AGPAT4: variants seen among roughly 807,000 people sequenced by gnomAD.
AGPAT4 encodes the protein 1-acyl-sn-glycerol-3-phosphate acyltransferase delta.
Under a neutral mutation model 48.0 loss-of-function variants are expected in AGPAT4, and 15 were observed. That is an observed-to-expected ratio of 0.31 (90% CI 0.21 to 0.48). The LOEUF (loss-of-function observed/expected upper bound fraction) is 0.48, where lower values mean the gene tolerates loss of function less well. Ranked by LOEUF, AGPAT4 falls within the 20% of genes least tolerant of loss-of-function variation. AGPAT4 has a pLI of 0.99. For synonymous variants in AGPAT4, 178 were observed against 198.7 expected (o/e 0.90, Z 0.88); for missense variants, 314 against 482.5 (o/e 0.65, Z 3.27).
chr6:161,182,546 C>T (rs2114993851), intron 2 of AGPAT4, among the ~76,000 whole-genome samples: 1 of 152,324 alleles, frequency 6.6e-6, no homozygotes. Context: ...ATCCCCTCAC[C>T]CCAGCCCCTT....
rs1001890105 is a variant in AGPAT4 at position 161,200,669 on chromosome 6, T to C, written c.178+31367A>G. 1.3e-5 allele frequency among the ~76,000 whole-genome samples: 2 copies of C among 152,220 alleles called. No individual in the cohort carries two copies. Among genetic ancestry groups the C allele is most frequent in the Admixed American group, 6.5e-5 (1 of 15,282 alleles). On this transcript the variant is annotated intron_variant, in intron 2 of 8. Coordinates refer to ENST00000320285, the MANE Select transcript of AGPAT4 (RefSeq NM_020133.3). This position sits in a 1 kb window ranked among gnomAD's most constrained non-coding sequence, Gnocchi z 5.5. ...TTTACTATGTTGACTAGGGACACCA[T>C]AGGTCCCTCCTCTGCTCTTTGTAAA...
rs1326186705 is a variant in AGPAT4, at chr6:161,138,395, G to A, written c.1042+1027C>T. On this transcript the variant is annotated intron_variant, in intron 8 of 8. Transcript: ENST00000320285. This position sits in a 1 kb window ranked among gnomAD's most constrained non-coding sequence, Gnocchi z 4.8. ...AATGAATGAGCTAGGTTTATGTGCTGTGACCTGTTTTGGTGGTTATGATTC... is the reference window on the plus strand; with the variant it reads ...AATGAATGAGCTAGGTTTATGTGCTATGACCTGTTTTGGTGGTTATGATTC... 6.6e-6 allele frequency among the ~76,000 whole-genome samples: 1 copy of A among 152,178 alleles called. No homozygotes were observed. Among genetic ancestry groups the A allele is most frequent in the Admixed American group, 6.5e-5 (1 of 15,282 alleles).
At chr6:161,248,663 A>C (rs563903154) in intron 1 of AGPAT4, among the ~76,000 whole-genome samples, 3 of 152,244 alleles carry the variant, frequency 2.0e-5, no homozygotes, top group Admixed American at 6.5e-5. Context: ...TGCTCAAAGA[A>C]ATCAGAGATG....
rs2059153696 is a variant in AGPAT4 at position 161,177,556 on chromosome 6, T to C, written c.179-11139A>G. On this transcript the variant is annotated intron_variant, in intron 2 of 8. Transcript: ENST00000320285. The surrounding 1 kb of genome is among the most constrained non-coding windows in gnomAD (Gnocchi z 5.0). ...TTAGCCATTCATCTAATCTTTTTTT[T>C]CAAGGTTTTTAGCTTCTTTGCGATT... is the stretch of plus-strand genomic sequence containing the variant. 6.6e-6 allele frequency among the ~76,000 whole-genome samples: 1 copy of C among 152,170 alleles called. No individual in the cohort carries two copies. The highest frequency in any genetic ancestry group is 2.4e-5 in the African/African-American group (1 of 41,450).
In AGPAT4 at chr6:161,267,440, G is replaced by T. The variant is rs769575674; in HGVS notation, c.-90+6498C>A. On this transcript the variant is annotated intron_variant, in intron 1 of 8. Coordinates refer to ENST00000320285, the MANE Select transcript of AGPAT4 (RefSeq NM_020133.3). This position sits in a 1 kb window ranked among gnomAD's most constrained non-coding sequence, Gnocchi z 5.2. Reference sequence around the variant, plus strand: ...GAAAAATATTAGCTGGGGAACGGGCGCAGTGGCTCACATCTGTAATCCTAG... The same window carrying T: ...GAAAAATATTAGCTGGGGAACGGGCTCAGTGGCTCACATCTGTAATCCTAG... 2.0e-5 allele frequency among the ~76,000 whole-genome samples: 3 copies of T among 152,140 alleles called. No individual in the cohort carries two copies. Among genetic ancestry groups the T allele is most frequent in the South Asian group, 2.1e-4 (1 of 4,826 alleles).
chr6:161,268,021 A>T (rs1424929271), intron 1 of AGPAT4, among the ~76,000 whole-genome samples: 1 of 152,246 alleles, frequency 6.6e-6, no homozygotes, highest in Non-Finnish European at 1.5e-5. Flanking sequence ...AGCAGAGCCC[A>T]GATGATCTGG....
chr6:161,263,031 C>T (rs1028664772), intron 1 of AGPAT4, among the ~76,000 whole-genome samples: 1 of 152,040 alleles, frequency 6.6e-6, no homozygotes, highest in African/African-American at 2.4e-5. Context: ...CCCAAGCCAC[C>T]CTCCATCCAC....
rs530591153 is a variant in AGPAT4 at position 161,261,629 on chromosome 6, A to G, written c.-90+12309T>C. 4.6e-5 allele frequency among the ~76,000 whole-genome samples: 7 copies of G among 152,352 alleles called. No individual in the cohort carries two copies. Among genetic ancestry groups the G allele is most frequent in the African/African-American group, 1.4e-4 (6 of 41,588 alleles). On this transcript the variant is annotated intron_variant, in intron 1 of 8. Transcript: ENST00000320285. The surrounding 1 kb of genome is among the most constrained non-coding windows in gnomAD (Gnocchi z 5.3). ...CCAACGGAGGGATATTTTACCTTCC[A>G]CAAATCCAGCTAATCATGTAGTGTT...
rs905715552 is a variant in AGPAT4 at position 161,270,307 on chromosome 6, G to A, written c.-90+3631C>T. Reference sequence around the variant, plus strand: ...CTTCCCAAGCCCATGCATGAAGCCAGGTTTCAGAGTTCCAGCGCTTCCTTT... The same window carrying A: ...CTTCCCAAGCCCATGCATGAAGCCAAGTTTCAGAGTTCCAGCGCTTCCTTT... On this transcript the variant is annotated intron_variant, in intron 1 of 8. Coordinates refer to ENST00000320285, the MANE Select transcript of AGPAT4 (RefSeq NM_020133.3). The surrounding 1 kb of genome is among the most constrained non-coding windows in gnomAD (Gnocchi z 5.3). 2.0e-5 allele frequency among the ~76,000 whole-genome samples: 3 copies of A among 152,192 alleles called. No homozygotes were observed. Among genetic ancestry groups the A allele is most frequent in the Non-Finnish European group, 4.4e-5 (3 of 68,042 alleles).
rs1780277332 is a variant in AGPAT4, at chr6:161,171,927, C to CA, written c.179-5511dup. On this transcript the variant is annotated intron_variant, in intron 2 of 8. Coordinates refer to ENST00000320285, the MANE Select transcript of AGPAT4 (RefSeq NM_020133.3). The surrounding 1 kb of genome is among the most constrained non-coding windows in gnomAD (Gnocchi z 4.4). The stretch of plus-strand genomic sequence containing the variant: ...AAACAAAAAACAAAAAACAAAAAAC[C>CA]AAAAGTTTCCAACACATGAACTCTG... Among the ~76,000 whole-genome samples, 1 of 151,564 alleles carries CA rather than the reference C, an allele frequency of 6.6e-6. No individual in the cohort carries two copies. Among genetic ancestry groups the CA allele is most frequent in the Non-Finnish European group, 1.5e-5 (1 of 67,892 alleles).
In AGPAT4 at chr6:161,246,715, A is replaced by G. The variant is rs961768337; in HGVS notation, c.-89-14413T>C. Among the ~76,000 whole-genome samples the G allele has an allele frequency of 6.6e-6, 1 of 152,302 alleles. No individual in the cohort carries two copies. The highest frequency in any genetic ancestry group is 1.9e-4 in the East Asian group (1 of 5,184). On this transcript the variant is annotated intron_variant, in intron 1 of 8. Transcript: ENST00000320285. This position sits in a 1 kb window ranked among gnomAD's most constrained non-coding sequence, Gnocchi z 5.5. ...CCTTGCTAGGTTTTAAGTGGTAAGT[A>G]CCATGCCCAATAAACTAAAGCACTT...
In AGPAT4 at chr6:161,148,403, G is replaced by A. The variant is rs1363243598; in HGVS notation, c.767+784C>T. On this transcript the variant is annotated intron_variant, in intron 6 of 8. Coordinates refer to ENST00000320285, the MANE Select transcript of AGPAT4 (RefSeq NM_020133.3). This position sits in a 1 kb window ranked among gnomAD's most constrained non-coding sequence, Gnocchi z 5.5. Reference sequence around the variant, plus strand: ...CAGGAAAGCCTGGACGTTTGGTGTGGCCTGGTGGGAATGTAGGGCCCCTGG... The same window carrying A: ...CAGGAAAGCCTGGACGTTTGGTGTGACCTGGTGGGAATGTAGGGCCCCTGG... 6.6e-6 allele frequency among the ~76,000 whole-genome samples: 1 copy of A among 152,220 alleles called. No individual in the cohort carries two copies. The highest frequency in any genetic ancestry group is 2.4e-5 in the African/African-American group (1 of 41,460).
Position 161,136,209 on chromosome 6 carries a change from C to A in AGPAT4, c.*331G>T. 3.6e-6 allele frequency: 1 copy of A among 276,678 alleles called. No individual in the cohort carries two copies. Among genetic ancestry groups the A allele is most frequent in the Non-Finnish European group, 6.9e-6 (1 of 145,766 alleles). 17.1% of individuals were successfully genotyped at this position (276,678 alleles called of 1,614,324 possible). A position where few individuals can be genotyped will look rare whatever the true frequency, so the allele number is the denominator to read the frequency against. ...ACCAAAGGATGAAAGGGGAACTTGT[C>A]CCCTTCGGTCCCCAGCCCTGCCCTC... On this transcript the variant is annotated 3_prime_UTR_variant, in exon 9 of 9. Transcript: ENST00000320285.
In AGPAT4 at chr6:161,132,415, C is replaced by G. The variant is rs1778930608; in HGVS notation, c.*4125G>C. On this transcript the variant is annotated 3_prime_UTR_variant, in exon 9 of 9. Coordinates refer to ENST00000320285, the MANE Select transcript of AGPAT4 (RefSeq NM_020133.3). ...AAGAATGAGCCCAGAGCCTGAGATTCAAGATGCTGGTCTCTTCTGAACACA... is the reference window on the plus strand; with the variant it reads ...AAGAATGAGCCCAGAGCCTGAGATTGAAGATGCTGGTCTCTTCTGAACACA... 1 of 152,366 alleles carries G rather than the reference C, an allele frequency of 6.6e-6. No homozygotes were observed. The highest frequency in any genetic ancestry group is 2.1e-4 in the South Asian group (1 of 4,830). The allele number at this position is 152,366 out of a possible 1,614,324, so 9.4% of individuals were successfully genotyped here. A position where few individuals can be genotyped will look rare whatever the true frequency, so the allele number is the denominator to read the frequency against.
chr6:161,180,674 A>T lies in AGPAT4; in HGVS notation c.179-14257T>A, dbSNP rs1780556917. On this transcript the variant is annotated intron_variant, in intron 2 of 8. Coordinates refer to ENST00000320285, the MANE Select transcript of AGPAT4 (RefSeq NM_020133.3). The surrounding 1 kb of genome is among the most constrained non-coding windows in gnomAD (Gnocchi z 6.4). ...CCAAAATGCAAAAGCGAAGCTACTA[A>T]GTTTCTGGTGCCTGAATGTGGTGTC... 2.6e-5 allele frequency among the ~76,000 whole-genome samples: 4 copies of T among 152,172 alleles called. No individual in the cohort carries two copies. The South Asian group carries it at 8.3e-4, about 32-fold the overall frequency.
At chr6:161,172,823 GTGATGT>G (rs1006735306) in intron 2 of AGPAT4, among the ~76,000 whole-genome samples, 1 of 149,966 alleles carries the variant, frequency 6.7e-6, no homozygotes, top group African/African-American at 2.5e-5. Context: ...GCCCCAGTGT[GTGATGT>G]TCCCCTTCCT....
rs1231088739 is a variant in AGPAT4 at position 161,243,946 on chromosome 6, A to G, written c.-89-11644T>C. On this transcript the variant is annotated intron_variant, in intron 1 of 8. Transcript: ENST00000320285. The surrounding 1 kb of genome is among the most constrained non-coding windows in gnomAD (Gnocchi z 4.8). Reference sequence around the variant, plus strand: ...GATTATGTCCTTATTCCCAGCCCAGAGGAAGGCAGTTCAAAGTCATTGGTT... The same window carrying G: ...GATTATGTCCTTATTCCCAGCCCAGGGGAAGGCAGTTCAAAGTCATTGGTT... Among the ~76,000 whole-genome samples, 1 of 152,222 alleles carries G rather than the reference A, an allele frequency of 6.6e-6. No individual in the cohort carries two copies. The highest frequency in any genetic ancestry group is 1.5e-5 in the Non-Finnish European group (1 of 68,042).
In AGPAT4 at chr6:161,262,500, C is replaced by G. The variant is rs1562362480; in HGVS notation, c.-90+11438G>C. 6.6e-6 allele frequency among the ~76,000 whole-genome samples: 1 copy of G among 151,880 alleles called. No individual in the cohort carries two copies. The highest frequency in any genetic ancestry group is 1.5e-5 in the Non-Finnish European group (1 of 67,976). ...TTTTTTTTTCCCCCTCCTCATTATT[C>G]TCTCATAGCAAATAAAACTTGGTTT... On this transcript the variant is annotated intron_variant, in intron 1 of 8. Coordinates refer to ENST00000320285, the MANE Select transcript of AGPAT4 (RefSeq NM_020133.3). The surrounding 1 kb of genome is among the most constrained non-coding windows in gnomAD (Gnocchi z 4.9).
rs1331236867 is a variant in AGPAT4 at position 161,244,000 on chromosome 6, A to C, written c.-89-11698T>G. On this transcript the variant is annotated intron_variant, in intron 1 of 8. Transcript: ENST00000320285. The surrounding 1 kb of genome is among the most constrained non-coding windows in gnomAD (Gnocchi z 4.8). ...AGGCTCTCTTCCTAATAACAAGTTA[A>C]CTGTCAATTCCCTACATAAATCTCA... is the stretch of plus-strand genomic sequence containing the variant. 6.6e-6 allele frequency among the ~76,000 whole-genome samples: 1 copy of C among 152,210 alleles called. No individual in the cohort carries two copies. The highest frequency in any genetic ancestry group is 1.9e-4 in the East Asian group (1 of 5,200).
Sources: gnomAD v4.1 joint callset for allele counts (sites outside exome capture counted in the v4.1 genomes callset) on GRCh38, gnomAD v4.1.1 for gene constraint, Gnocchi (gnomAD v3.1) non-coding constraint, MANE v1.5 for transcripts, NCBI Gene and HGNC (gene_info 2026-07-23, HGNC 2026-07-21) for gene names.